SUCLG1: variants seen among roughly 807,000 people sequenced by gnomAD.
SUCLG1 encodes the protein succinate--CoA ligase [ADP/GDP-forming] subunit alpha, mitochondrial.
A neutral mutation model predicts 37.3 loss-of-function variants in SUCLG1; 26 were observed. The observed-to-expected ratio is 0.70, with a 90% confidence interval of 0.51 to 0.97. The LOEUF is 0.97. SUCLG1 is among the 50% of genes least tolerant of loss of function. SUCLG1 has a pLI of 0.00. For missense variants in SUCLG1, 433 were observed against 432.9 expected (o/e 1.00, Z 0.00); for synonymous variants, 163 against 155.6 (o/e 1.05, Z -0.36).
At chr2:84,459,088 C>T (rs1673101579) in intron 1 of SUCLG1, 85 bp downstream of exon 1, 1 of 1,402,166 alleles carries the variant, frequency 7.1e-7, no homozygotes, top group Non-Finnish European at 9.6e-7. Flanking sequence ...GCCCTGAGGG[C>T]CCAGCCGCGG....
intron 4 of SUCLG1, 55 bp downstream of exon 4, chr2:84,441,192 T>G: frequency 6.2e-7 from 1 of 1,613,050 alleles, no homozygotes; most frequent in Non-Finnish European, 8.5e-7. Flanking sequence ...CACTCAAAGC[T>G]GTTTAGCCTT....
chr2:84,459,216 G>A lies in SUCLG1; in HGVS notation c.54C>T (p.Ser18=). ...AADIATMVSG[S]SGLAAARLLS... Reference sequence around the variant, plus strand: ...GGAGACGGGCGGCGGCGAGGCCGCTGCTGCCGGAGACCATGGTAGCGATGT... The same window carrying A: ...GGAGACGGGCGGCGGCGAGGCCGCTACTGCCGGAGACCATGGTAGCGATGT... Residue 18 remains serine, a synonymous_variant, in exon 1 of 9, where the codon AGC becomes AGT. Transcript: ENST00000393868. 1 of 1,550,282 alleles carries A rather than the reference G, an allele frequency of 6.5e-7. No individual in the cohort carries two copies. Among genetic ancestry groups the A allele is most frequent in the Non-Finnish European group, 8.7e-7 (1 of 1,146,738 alleles).
At chr2:84,438,318 T>C (rs1027232441) in intron 5 of SUCLG1, among the ~76,000 whole-genome samples, 11 of 152,204 alleles carry the variant, frequency 7.2e-5, no homozygotes, top group African/African-American at 2.4e-4. Context: ...GAGTCAAGTA[T>C]GTGACATGTG....
At chr2:84,426,072 A>G (rs1381622456) in intron 7 of SUCLG1, 1 of 186,262 alleles carries the variant, frequency 5.4e-6, no homozygotes, top group African/African-American at 2.4e-5. Flanking sequence ...ATTTTCTAGT[A>G]ACAAAAGCTG....
chr2:84,450,614 T>C (rs1672925617), intron 1 of SUCLG1, among the ~76,000 whole-genome samples: 1 of 152,152 alleles, frequency 6.6e-6, no homozygotes, highest in Non-Finnish European at 1.5e-5. Flanking sequence ...CCTGGCCCTT[T>C]CAAAGTAGCC....
chr2:84,446,284 C>A (rs1414104173), intron 2 of SUCLG1, among the ~76,000 whole-genome samples: 1 of 152,216 alleles, frequency 6.6e-6, no homozygotes, highest in Non-Finnish European at 1.5e-5. Context: ...CCCCACCAAC[C>A]ACTAAAATGT....
At chr2:84,430,405 T>A (rs1296120138) in intron 7 of SUCLG1, among the ~76,000 whole-genome samples, 1 of 152,272 alleles carries the variant, frequency 6.6e-6, no homozygotes, top group Non-Finnish European at 1.5e-5. Context: ...GACAGGAGCC[T>A]GATTGCTGAG....
chr2:84,441,280 C>G lies in SUCLG1; in HGVS notation c.498G>C (p.Arg166Ser). Residue 166 changes from arginine to serine, a missense_variant, in exon 4 of 9, where the codon AGG becomes AGC. Arg to Ser is a moderately radical substitution (Grantham distance 110). Coordinates refer to ENST00000393868, the MANE Select transcript of SUCLG1 (RefSeq NM_003849.4). ...KHKLLRQEKT[R>S]LIGPNCPGVI... ...CTCCAGGGCAGTTGGGCCCAATTAG[C>G]CTTGTCTTTTCCTGGCGCAGCAGTT... The G allele has an allele frequency of 6.2e-7, 1 of 1,614,112 alleles. No individual in the cohort carries two copies. Among genetic ancestry groups the G allele is most frequent in the Non-Finnish European group, 8.5e-7 (1 of 1,180,028 alleles).
rs150695248 is a variant in SUCLG1 at position 84,443,879 on chromosome 2, G to A, written c.202-479C>T. ...TCAACTGGTCTCATTTTAAATTAAT[G>A]ATCACTCACCTTAAGTAAGCCTTCA... is the stretch of plus-strand genomic sequence containing the variant. On this transcript the variant is annotated intron_variant, in intron 2 of 8. Transcript: ENST00000393868. Among the ~76,000 whole-genome samples the A allele has an allele frequency of 4.6e-5, 7 of 152,154 alleles. No individual in the cohort carries two copies. In the East Asian group the frequency reaches 1.4e-3, roughly 29 times the overall value.
chr2:84,427,787 TAGTTC>T (rs1489363409), intron 7 of SUCLG1, among the ~76,000 whole-genome samples: 3 of 152,230 alleles, frequency 2.0e-5, no homozygotes, highest in Non-Finnish European at 4.4e-5. Flanking sequence ...AAAGGGCAGC[TAGTTC>T]AGCTCACAAC....
chr2:84,431,728 GT>G, intron 6 of SUCLG1, 69 bp from the exon 7 acceptor site: 2 of 1,527,414 alleles, frequency 1.3e-6, no homozygotes, highest in Non-Finnish European at 1.8e-6. Flanking sequence ...GTCAATAAAT[GT>G]TTTTAACTAG....
intron 5 of SUCLG1, among the ~76,000 whole-genome samples, chr2:84,436,106 A>C (rs1672684218): frequency 6.6e-6 from 1 of 152,174 alleles, no homozygotes; most frequent in African/African-American, 2.4e-5. Context: ...CCTGAGGTCA[A>C]GGCAGGTACT....
intron 1 of SUCLG1, 90 bp from the exon 2 acceptor site, chr2:84,449,842 A>G: frequency 8.9e-7 from 1 of 1,117,904 alleles, no homozygotes; most frequent in East Asian, 2.6e-5. Flanking sequence ...GATCACAAAA[A>G]AAAAATTCTT....
intron 1 of SUCLG1, among the ~76,000 whole-genome samples, chr2:84,453,092 G>T (rs145274085): frequency 6.6e-6 from 1 of 152,106 alleles, no homozygotes; most frequent in East Asian, 1.9e-4. Flanking sequence ...TAGTACAAAC[G>T]CCATGCTGAC....
At chr2:84,450,355 GAC>G (rs1672921038) in intron 1 of SUCLG1, among the ~76,000 whole-genome samples, 1 of 132,434 alleles carries the variant, frequency 7.6e-6, no homozygotes, top group Admixed American at 8.1e-5. Context: ...ATGTATAAAA[GAC>G]ACAGGGAAAA....
chr2:84,455,773 T>G (rs912721256), intron 1 of SUCLG1, among the ~76,000 whole-genome samples: 1 of 150,452 alleles, frequency 6.6e-6, no homozygotes, highest in African/African-American at 2.5e-5. Flanking sequence ...GAGGCGGAGC[T>G]TGCAGTGAGC....
rs569946148 is a variant in SUCLG1, at chr2:84,454,798, T to A, written c.97+4375A>T. Among the ~76,000 whole-genome samples the A allele has an allele frequency of 4.6e-5, 7 of 152,322 alleles. No individual in the cohort carries two copies. In the East Asian group the frequency reaches 1.2e-3, roughly 25 times the overall value. On this transcript the variant is annotated intron_variant, in intron 1 of 8. Coordinates refer to ENST00000393868, the MANE Select transcript of SUCLG1 (RefSeq NM_003849.4). ...ATCATTTATAAAATGGCTGGTGGGA[T>A]GAATGATGCAATCTATGGTCAAAGA...
chr2:84,440,536 A>G (rs1268460325), intron 5 of SUCLG1, among the ~76,000 whole-genome samples: 1 of 152,234 alleles, frequency 6.6e-6, no homozygotes, highest in Non-Finnish European at 1.5e-5. Context: ...TATGAACATG[A>G]CTTAGCAATT....
rs1202613561 is a variant in SUCLG1 at position 84,449,837 on chromosome 2, CA to C, written c.98-86del. 4.1e-3 allele frequency: 4,173 copies of C among 1,007,322 alleles called. 1 individual carries two copies. The highest frequency in any genetic ancestry group is 4.5e-3 in the South Asian group (259 of 58,110). 62.4% of individuals were successfully genotyped at this position (1,007,322 alleles called of 1,614,324 possible). A position where few individuals can be genotyped will look rare whatever the true frequency, so the allele number is the denominator to read the frequency against. ...TTTGAACAATAATTCAACTTGATCA[CA>C]AAAAAAAAATTCTTTAATGCACGCG... On this transcript the variant is annotated intron_variant, in intron 1 of 8. Transcript: ENST00000393868.
Sources: gnomAD v4.1 joint callset for allele counts (sites outside exome capture counted in the v4.1 genomes callset) on GRCh38, gnomAD v4.1.1 for gene constraint, MANE v1.5 for transcripts, NCBI Gene and HGNC (gene_info 2026-07-23, HGNC 2026-07-21) for gene names.